The following TEX9 variants were observed in gnomAD, a reference collection of about 807,000 sequenced individuals.
The protein encoded by TEX9 is testis expressed 9, also known as testis-expressed protein 9.
In TEX9, 74 loss-of-function variants were observed where a neutral mutation model predicts 59.6. The ratio of observed to expected loss-of-function variants is 1.24; its 90% confidence interval spans 1.03 to 1.51. The LOEUF (loss-of-function observed/expected upper bound fraction) is 1.51, where lower values mean the gene tolerates loss of function less well. TEX9 is among the 40% of genes most tolerant of loss of function. The pLI is 0.00. For missense variants in TEX9, 522 were observed against 447.8 expected (o/e 1.17, Z -1.49); for synonymous variants, 186 against 152.2 (o/e 1.22, Z -1.64).
chr15:56,433,162 A>C (rs948375118), intron 12 of TEX9, among the ~76,000 whole-genome samples: 2 of 145,466 alleles, frequency 1.4e-5, no homozygotes, highest in African/African-American at 5.1e-5. Context: ...TTTCCTCTAT[A>C]CTCTTTCCTT....
the TEX9 span, among the ~76,000 whole-genome samples, chr15:56,460,009 A>AAAAATATATATATATATATATATATAT: frequency 1.1e-4 from 3 of 26,386 alleles, no homozygotes; most frequent in Non-Finnish European, 1.4e-4. Flanking sequence ...AAAAAAAAAA[A>AAAAATATATATATATATATATATATAT]ATACATATAT....
chr15:56,272,273 C>G (rs2044553328), intron 1 of TEX9, among the ~76,000 whole-genome samples: 1 of 152,138 alleles, frequency 6.6e-6, no homozygotes, highest in South Asian at 2.1e-4. Flanking sequence ...TAGTTAATTC[C>G]AATTCTCCCC....
At chr15:56,304,115 G>A (rs1189726061) in intron 1 of TEX9, among the ~76,000 whole-genome samples, 1 of 152,218 alleles carries the variant, frequency 6.6e-6, no homozygotes, top group African/African-American at 2.4e-5. Context: ...GAAAATAGAA[G>A]GAGAGAGAAT....
At chr15:56,438,864 T>G (rs1026707231) in intron 12 of TEX9, among the ~76,000 whole-genome samples, 4 of 152,300 alleles carry the variant, frequency 2.6e-5, no homozygotes, top group Non-Finnish European at 4.4e-5. Context: ...AGAAGACATT[T>G]ATGCAGCCAA....
chr15:56,278,371 A>G (rs916276127), intron 1 of TEX9, among the ~76,000 whole-genome samples: 7 of 152,220 alleles, frequency 4.6e-5, no homozygotes, highest in Admixed American at 2.0e-4. Flanking sequence ...TGAAAGGCTG[A>G]TTCCCTCAAT....
At chr15:56,370,967 A>G (rs553379182) in intron 2 of TEX9, among the ~76,000 whole-genome samples, 7 of 152,004 alleles carry the variant, frequency 4.6e-5, no homozygotes, top group African/African-American at 1.7e-4. Context: ...AGCGATTCTC[A>G]TTCCTCAGCC....
At chr15:56,274,758 G>A (rs2044630300) in intron 1 of TEX9, 1 of 152,016 alleles carries the variant, frequency 6.6e-6, no homozygotes, top group South Asian at 2.1e-4. Context: ...TTGTGTATGT[G>A]GGAGAAGGTT....
chr15:56,413,803 A>G (rs1253595103), intron 10 of TEX9, among the ~76,000 whole-genome samples: 1 of 151,850 alleles, frequency 6.6e-6, no homozygotes, highest in East Asian at 1.9e-4. Context: ...TTAAGTTAGT[A>G]ACACTTAACA....
At chr15:56,338,515 A>G (rs1430837941) in intron 1 of TEX9, among the ~76,000 whole-genome samples, 4 of 152,230 alleles carry the variant, frequency 2.6e-5, no homozygotes, top group African/African-American at 9.6e-5. Flanking sequence ...GATCCCTTGT[A>G]TAGTGGTGTA....
At chr15:56,434,704 T>G (rs1028732215) in intron 12 of TEX9, among the ~76,000 whole-genome samples, 4 of 152,144 alleles carry the variant, frequency 2.6e-5, no homozygotes, top group African/African-American at 4.8e-5. Flanking sequence ...TTTGCACACC[T>G]GAGTTTATTC....
exon 13 of TEX9, chr15:56,445,787 G>A (rs2050896511): frequency 6.6e-6 from 1 of 151,958 alleles, no homozygotes; most frequent in African/African-American, 2.4e-5. Context: ...GAAAATAGCA[G>A]CAATTCTCGT....
rs545453683 is a variant in TEX9, at chr15:56,439,838, C to T, written c.*30-5833C>T. Among the ~76,000 whole-genome samples, 14 of 149,618 alleles carry T rather than the reference C, an allele frequency of 9.4e-5. 1 individual carries two copies. The highest frequency in any genetic ancestry group is 2.7e-4 in the African/African-American group (11 of 40,908). ...AAGGAGAAATTCTTCAATAACTAGG[C>T]GAAGAGTTTCTAGAGTTGACACAGA... On this transcript the variant is annotated intron_variant, in intron 12 of 12. Coordinates refer to ENST00000352903, the Ensembl canonical transcript of TEX9.
chr15:56,310,506 T>G (rs1258060675), intron 1 of TEX9, among the ~76,000 whole-genome samples: 1 of 152,208 alleles, frequency 6.6e-6, no homozygotes, highest in African/African-American at 2.4e-5. Context: ...GGTTGAGGCC[T>G]AGCGAAGAAG....
intron 1 of TEX9, among the ~76,000 whole-genome samples, chr15:56,269,742 T>C (rs1299573441): frequency 6.7e-6 from 1 of 150,196 alleles, no homozygotes; most frequent in East Asian, 2.0e-4. Context: ...AAGCTCTGCC[T>C]CCCAGGTTTT....
chr15:56,367,223 C>T (rs556697361), intron 2 of TEX9, among the ~76,000 whole-genome samples: 1 of 152,184 alleles, frequency 6.6e-6, no homozygotes, highest in Admixed American at 6.5e-5. Flanking sequence ...GTTCTGTTAT[C>T]TGTACTCTGA....
chr15:56,298,583 T>C (rs1423779319), intron 1 of TEX9, among the ~76,000 whole-genome samples: 1 of 152,184 alleles, frequency 6.6e-6, no homozygotes, highest in East Asian at 1.9e-4. Flanking sequence ...GTTACTATAA[T>C]TTTTTTACCC....
At chr15:56,376,935 C>G (rs188873793) in intron 3 of TEX9, among the ~76,000 whole-genome samples, 9 of 152,220 alleles carry the variant, frequency 5.9e-5, no homozygotes, top group Non-Finnish European at 1.0e-4. Flanking sequence ...TTGTATATGG[C>G]AAGAGGTAGG....
chr15:56,421,273 G>A (rs868284338), intron 10 of TEX9, among the ~76,000 whole-genome samples: 2 of 151,726 alleles, frequency 1.3e-5, no homozygotes, highest in African/African-American at 4.9e-5. Context: ...AAATCCTCTT[G>A]AATGAATTGA....
intron 1 of TEX9, among the ~76,000 whole-genome samples, chr15:56,267,303 T>A (rs2044409151): frequency 6.6e-6 from 1 of 152,236 alleles, no homozygotes; most frequent in Non-Finnish European, 1.5e-5. Flanking sequence ...TGGTAGTTTC[T>A]TTTGCTGTGC....
Sources: allele counts gnomAD v4.1 joint callset (sites outside exome capture counted in the v4.1 genomes callset), GRCh38; gene constraint gnomAD v4.1.1; transcripts MANE v1.5; gene names NCBI Gene and HGNC (gene_info 2026-07-23, HGNC 2026-07-21).